The following CYTH3 variants were observed in gnomAD, a reference collection of about 807,000 sequenced individuals.
CYTH3 encodes the protein cytohesin 3.
CYTH3 carries 23 observed loss-of-function variants against 55.1 expected under a neutral mutation model. The ratio of observed to expected loss-of-function variants is 0.42; its 90% confidence interval spans 0.30 to 0.59. The LOEUF (loss-of-function observed/expected upper bound fraction) is 0.59, where lower values mean the gene tolerates loss of function less well. Among genes scored for constraint, CYTH3 ranks in the 20% least tolerant of loss-of-function variants. CYTH3 has a pLI of 0.20. For synonymous variants in CYTH3, 249 were observed against 194.9 expected, an observed-to-expected ratio of 1.28 and a Z score of -2.31; for missense variants, 413 against 524.8, an observed-to-expected ratio of 0.79 and a Z score of 2.08.
intron 1 of CYTH3, among the ~76,000 whole-genome samples, chr7:6,238,456 A>G (rs1779583476): frequency 6.6e-6 from 1 of 152,216 alleles, no homozygotes; most frequent in Non-Finnish European, 1.5e-5. Context: ...TGAAAGTACT[A>G]TGCTTAGTAA....
chr7:6,220,112 G>C (rs1784519538), intron 1 of CYTH3, among the ~76,000 whole-genome samples: 1 of 151,946 alleles, frequency 6.6e-6, no homozygotes, highest in Admixed American at 6.6e-5. Context: ...CCACAGTCTG[G>C]TCTCAAACTC....
intron 1 of CYTH3, among the ~76,000 whole-genome samples, chr7:6,205,986 C>T (rs965219158): frequency 6.7e-6 from 1 of 150,082 alleles, no homozygotes; most frequent in East Asian, 2.0e-4. Context: ...CTGCTTAAAC[C>T]CAAAACAGAA....
intron 1 of CYTH3, among the ~76,000 whole-genome samples, chr7:6,210,849 A>G (rs1784305575): frequency 6.6e-6 from 1 of 152,180 alleles, no homozygotes; most frequent in Non-Finnish European, 1.5e-5. Context: ...CACTGATAAG[A>G]GTTGTTACAC....
intron 4 of CYTH3, among the ~76,000 whole-genome samples, chr7:6,178,526 T>A (rs539570555): frequency 1.8e-4 from 28 of 152,332 alleles, no homozygotes; most frequent in African/African-American, 5.8e-4. Context: ...CCAGCACTGC[T>A]CTTCCTCCTC....
chr7:6,237,141 G>A (rs959649444), intron 1 of CYTH3, among the ~76,000 whole-genome samples: 3 of 136,712 alleles, frequency 2.2e-5, no homozygotes, highest in African/African-American at 5.5e-5. Context: ...CTCGGCAGGC[G>A]TTGCTTCAGC....
At chr7:6,239,850 G>A (rs1282779281) in intron 1 of CYTH3, among the ~76,000 whole-genome samples, 1 of 152,120 alleles carries the variant, frequency 6.6e-6, no homozygotes, top group East Asian at 1.9e-4. Flanking sequence ...TAACACACTT[G>A]AATGGTAACA....
chr7:6,267,670 C>T (rs777644249), intron 1 of CYTH3, among the ~76,000 whole-genome samples: 4 of 152,138 alleles, frequency 2.6e-5, no homozygotes, highest in African/African-American at 4.8e-5. Flanking sequence ...ACTACAGGTG[C>T]GCATCACTAT....
intron 1 of CYTH3, among the ~76,000 whole-genome samples, chr7:6,262,307 T>A (rs1461029956): frequency 6.6e-6 from 1 of 152,188 alleles, no homozygotes; most frequent in Non-Finnish European, 1.5e-5. Context: ...ACAAGAATTC[T>A]GTAAATCTAA....
chr7:6,227,334 A>G (rs1048356208), intron 1 of CYTH3, among the ~76,000 whole-genome samples: 7 of 151,940 alleles, frequency 4.6e-5, no homozygotes, highest in Non-Finnish European at 1.0e-4. Context: ...AGTGGATATA[A>G]TAAGTGCAAA....
chr7:6,165,001 T>C lies in CYTH3; in HGVS notation c.1143A>G (p.Arg381=). Residue 381 remains arginine, a synonymous_variant, in exon 13 of 13, where the codon AGA becomes AGG. Transcript: ENST00000350796. The part of the protein sequence containing the change: ...WMKSIKASIS[R]DPFYDMLATR... ...TTGCCAACATGTCATAGAAGGGATC[T>C]CTGCTGATACTGGCTCTGGTGAAAA... 6.2e-7 allele frequency: 1 copy of C among 1,614,192 alleles called. No homozygotes were observed. The highest frequency in any genetic ancestry group is 8.5e-7 in the Non-Finnish European group (1 of 1,180,018).
At position 6,162,610 on chromosome 7, in the gene CYTH3, C is replaced by G. The variant is rs1015178583; in HGVS notation, c.*2334G>C. Reference sequence around the variant, plus strand: ...TGGTCGCACAGCCTTCATGCTAATACTGTCCTAACACAGCCTGGAGCTAGG... The same window carrying G: ...TGGTCGCACAGCCTTCATGCTAATAGTGTCCTAACACAGCCTGGAGCTAGG... On this transcript the variant is annotated 3_prime_UTR_variant, in exon 13 of 13. Transcript: ENST00000350796. 6.6e-6 allele frequency: 1 copy of G among 152,280 alleles called. No homozygotes were observed. The highest frequency in any genetic ancestry group is 2.4e-5 in the African/African-American group (1 of 41,452). The allele number at this position is 152,280 out of a possible 1,614,324, so 9.4% of individuals were successfully genotyped here. A position where few individuals can be genotyped will look rare whatever the true frequency, so the allele number is the denominator to read the frequency against.
chr7:6,268,468 C>G (rs949487988), intron 1 of CYTH3, among the ~76,000 whole-genome samples: 27 of 152,214 alleles, frequency 1.8e-4, no homozygotes, highest in African/African-American at 6.5e-4. Flanking sequence ...CCGCGCCCGG[C>G]CTGCTCTTGT....
At chr7:6,251,992 A>G (rs1440262620) in intron 1 of CYTH3, among the ~76,000 whole-genome samples, 2 of 152,252 alleles carry the variant, frequency 1.3e-5, no homozygotes, top group Non-Finnish European at 2.9e-5. Flanking sequence ...ATTGATCATA[A>G]AAACCACTTT....
At chr7:6,195,760 C>T (rs1783909069) in intron 1 of CYTH3, among the ~76,000 whole-genome samples, 1 of 152,174 alleles carries the variant, frequency 6.6e-6, no homozygotes. Context: ...CCATTATTAT[C>T]CTCGTTTTAT....
Position 6,173,739 on chromosome 7 carries a change from A to G in CYTH3, c.369-6T>C, listed in dbSNP as rs1186012797. ...CTTTAATATTAAATTCATCCCTGGG[A>G]AAAAAAGAAGTAAGTTTCAAACCTA... On this transcript the variant is annotated splice_polypyrimidine_tract_variant and splice_region_variant and intron_variant, in intron 5 of 12. Coordinates refer to ENST00000350796, the MANE Select transcript of CYTH3 (RefSeq NM_004227.4). 1.3e-6 allele frequency: 2 copies of G among 1,564,912 alleles called. No individual in the cohort carries two copies. The highest frequency in any genetic ancestry group is 1.1e-5 in the South Asian group (1 of 90,046).
intron 1 of CYTH3, among the ~76,000 whole-genome samples, chr7:6,221,403 T>C (rs2128551506): frequency 6.6e-6 from 1 of 152,218 alleles, no homozygotes; most frequent in African/African-American, 2.4e-5. Context: ...TAGTCATTGT[T>C]TGGGGTTTAG....
chr7:6,163,264 T>G lies in CYTH3; in HGVS notation c.*1680A>C, dbSNP rs537291713. 6.6e-6 allele frequency: 1 copy of G among 152,460 alleles called. No homozygotes were observed. The highest frequency in any genetic ancestry group is 2.1e-4 in the South Asian group (1 of 4,828). 9.4% of individuals were successfully genotyped at this position (152,460 alleles called of 1,614,324 possible). A position where few individuals can be genotyped will look rare whatever the true frequency, so the allele number is the denominator to read the frequency against. On this transcript the variant is annotated 3_prime_UTR_variant, in exon 13 of 13. Transcript: ENST00000350796. ...CAACTCAAAGAACAGTCTCCGCTGC[T>G]GAGAAGGAAACCTAGGTGCACAAAG...
chr7:6,173,600 TG>T, intron 6 of CYTH3, 52 bp downstream of exon 6: 1 of 1,171,550 alleles, frequency 8.5e-7, no homozygotes, highest in Non-Finnish European at 1.3e-6. Flanking sequence ...GCCCAGGCAG[TG>T]GTCCTCTGGC....
chr7:6,258,673 C>A (rs1780197597), intron 1 of CYTH3, among the ~76,000 whole-genome samples: 1 of 152,166 alleles, frequency 6.6e-6, no homozygotes. Context: ...AGGCAACAGG[C>A]AACAGAGAAA....
Sources: gnomAD v4.1 joint callset for allele counts (sites outside exome capture counted in the v4.1 genomes callset) on GRCh38, gnomAD v4.1.1 for gene constraint, MANE v1.5 for transcripts, NCBI Gene and HGNC (gene_info 2026-07-23, HGNC 2026-07-21) for gene names.